DSCAM: variants seen among roughly 807,000 people sequenced by gnomAD.
DSCAM encodes cell adhesion molecule DSCAM.
In DSCAM, 47 loss-of-function variants were observed where a neutral mutation model predicts 217.7. The observed-to-expected ratio is 0.22, with a 90% CI of 0.17 to 0.28. The LOEUF is 0.28. Ranked by LOEUF, DSCAM falls within the 10% of genes least tolerant of loss-of-function variation. DSCAM has a pLI of 1.00. For synonymous variants in DSCAM, 1,056 were observed against 1,015.3 expected (o/e 1.04, Z -0.76); for missense variants, 2,080 against 2,618.3 (o/e 0.79, Z 4.49).
intron 3 of DSCAM, among the ~76,000 whole-genome samples, chr21:40,454,783 C>T (rs572349915): frequency 1.3e-5 from 2 of 152,264 alleles, no homozygotes; most frequent in South Asian, 4.1e-4. Flanking sequence ...ATGGCTTAAT[C>T]ACAGACTTTG....
chr21:40,697,965 G>C (rs2090613152), intron 2 of DSCAM, among the ~76,000 whole-genome samples: 1 of 152,130 alleles, frequency 6.6e-6, no homozygotes, highest in Non-Finnish European at 1.5e-5. Context: ...CAACGAGCAT[G>C]AAATAACTTT....
At chr21:40,141,855 G>A (rs902614155) in intron 18 of DSCAM, among the ~76,000 whole-genome samples, 5 of 152,180 alleles carry the variant, frequency 3.3e-5, no homozygotes, top group African/African-American at 9.7e-5. Context: ...GCCTGAGGGC[G>A]AAGACACTGA....
intron 3 of DSCAM, among the ~76,000 whole-genome samples, chr21:40,377,603 C>A (rs546685182): frequency 8.2e-4 from 124 of 151,872 alleles, no homozygotes; most frequent in South Asian, 1.7e-3. Flanking sequence ...CAGTTAAAAT[C>A]AAAAAAGTCA....
At chr21:40,158,802 G>A (rs1347031046) in intron 16 of DSCAM, among the ~76,000 whole-genome samples, 1 of 152,144 alleles carries the variant, frequency 6.6e-6, no homozygotes, top group Non-Finnish European at 1.5e-5. Flanking sequence ...AAAGCACAAA[G>A]TACTTTTATT....
intron 3 of DSCAM, among the ~76,000 whole-genome samples, chr21:40,379,864 T>C (rs190706589): frequency 2.6e-5 from 4 of 152,318 alleles, no homozygotes; most frequent in East Asian, 3.9e-4. Context: ...TAACCTTCTT[T>C]GGAGCCTATT....
rs904562228 is a variant in DSCAM, at chr21:40,776,434, C to A, written c.44-67663G>T. 2.6e-5 allele frequency among the ~76,000 whole-genome samples: 4 copies of A among 152,178 alleles called. No individual in the cohort carries two copies. In the South Asian group the frequency reaches 6.2e-4, roughly 24 times the overall value. ...ATAGTCATAGAAATGAAAGAAAAAT[C>A]ACAACTTTGATAAGTACTACAAAGA... On this transcript the variant is annotated intron_variant, in intron 1 of 32. Coordinates refer to ENST00000400454, the MANE Select transcript of DSCAM (RefSeq NM_001389.5).
chr21:40,348,794 T>C (rs999235797), intron 5 of DSCAM, among the ~76,000 whole-genome samples: 2 of 152,090 alleles, frequency 1.3e-5, no homozygotes, highest in Non-Finnish European at 2.9e-5. Flanking sequence ...ATAATGTTGG[T>C]CAAACTGCCT....
At chr21:40,536,696 G>A (rs1568887304) in intron 3 of DSCAM, among the ~76,000 whole-genome samples, 1 of 152,212 alleles carries the variant, frequency 6.6e-6, no homozygotes, top group African/African-American at 2.4e-5. Flanking sequence ...GTGAGCCACT[G>A]CACCCGGTCC....
At position 40,392,858 on chromosome 21, in the gene DSCAM, T is replaced by C. The variant is rs552834114; in HGVS notation, c.509-23613A>G. Among the ~76,000 whole-genome samples the C allele has an allele frequency of 1.1e-4, 17 of 152,220 alleles. No homozygotes were observed. In the South Asian group the frequency reaches 3.3e-3, roughly 30 times the overall value. On this transcript the variant is annotated intron_variant, in intron 3 of 32. Coordinates refer to ENST00000400454, the MANE Select transcript of DSCAM (RefSeq NM_001389.5). ...ATGACACAGCTTGGCCAGAGCTCCT[T>C]AGGAAGCCACAAGGTCAACTGTTAA...
rs1351956844 is a variant in DSCAM at position 40,839,478 on chromosome 21, T to C, written c.43+7141A>G. 3.3e-5 allele frequency among the ~76,000 whole-genome samples: 5 copies of C among 152,210 alleles called. No individual in the cohort carries two copies. The South Asian group carries it at 1.0e-3, about 32-fold the overall frequency. On this transcript the variant is annotated intron_variant, in intron 1 of 32. Transcript: ENST00000400454. ...TGTCCTCCCTTCACCTCCAGTCTTT[T>C]GTTCAGACCTACTCAAGCTGTTTCC... is the stretch of plus-strand genomic sequence containing the variant.
At chr21:40,610,193 T>C (rs959511533) in intron 3 of DSCAM, among the ~76,000 whole-genome samples, 1 of 152,160 alleles carries the variant, frequency 6.6e-6, no homozygotes, top group African/African-American at 2.4e-5. Flanking sequence ...ATCCACTCTT[T>C]ACTGTAGAAA....
Position 40,692,940 on chromosome 21 carries a change from A to G in DSCAM, c.378T>C (p.Tyr126=). The G allele has an allele frequency of 6.2e-7, 1 of 1,608,592 alleles. No individual in the cohort carries two copies. The highest frequency in any genetic ancestry group is 8.5e-7 in the Non-Finnish European group (1 of 1,175,480). Reference sequence around the variant, plus strand: ...TTTTCTGGTCCTCCACACGGACTGTATAGGGCTCCCGTAAAACTGGAAGGC... The same window carrying G: ...TTTTCTGGTCCTCCACACGGACTGTGTAGGGCTCCCGTAAAACTGGAAGGC... ...VHIKAVLREP[Y]TVRVEDQKTM... is the part of the protein sequence containing the mutation. The change falls in exon 3 of 33, where the codon TAT becomes TAC. Residue 126 remains tyrosine (Y), a synonymous_variant. Transcript: ENST00000400454.
In DSCAM at chr21:40,573,068, A is replaced by G. The variant is rs778815273; in HGVS notation, c.508+119742T>C. ...ATATAAAGTATGATAGCTGAAAACA[A>G]TAATATTAAAATCGATCCCAGCACT... is the stretch of plus-strand genomic sequence containing the variant. On this transcript the variant is annotated intron_variant, in intron 3 of 32. Coordinates refer to ENST00000400454, the MANE Select transcript of DSCAM (RefSeq NM_001389.5). Among the ~76,000 whole-genome samples, 22 of 152,188 alleles carry G rather than the reference A, an allele frequency of 1.4e-4. 1 individual carries two copies. The highest frequency in any genetic ancestry group is 2.9e-4 in the Non-Finnish European group (20 of 68,032).
At chr21:40,557,123 C>G (rs1162025711) in intron 3 of DSCAM, among the ~76,000 whole-genome samples, 2 of 152,052 alleles carry the variant, frequency 1.3e-5, no homozygotes, top group African/African-American at 4.8e-5. Flanking sequence ...TCAATATTTA[C>G]TGCTATGGTG....
At chr21:40,419,401 G>C (rs935354123) in intron 3 of DSCAM, among the ~76,000 whole-genome samples, 1 of 152,098 alleles carries the variant, frequency 6.6e-6, no homozygotes, top group Non-Finnish European at 1.5e-5. Flanking sequence ...ATATATCAAA[G>C]AATTTTGAAA....
chr21:40,393,406 G>C (rs73359111), intron 3 of DSCAM, among the ~76,000 whole-genome samples: 334 of 152,230 alleles, frequency 2.2e-3, no homozygotes, highest in African/African-American at 7.6e-3. Flanking sequence ...CTTGTGCTTT[G>C]GAGGAGAAAA....
In DSCAM at chr21:40,775,963, C is replaced by A. The variant is rs2091484751; in HGVS notation, c.44-67192G>T. The stretch of plus-strand genomic sequence containing the variant: ...TAGAAAGCTGGGTGCACACAATAAC[C>A]AACCATAGTGATGTGAATTTATACA... On this transcript the variant is annotated intron_variant, in intron 1 of 32. Coordinates refer to ENST00000400454, the MANE Select transcript of DSCAM (RefSeq NM_001389.5). Among the ~76,000 whole-genome samples, 3 of 152,128 alleles carry A rather than the reference C, an allele frequency of 2.0e-5. No homozygotes were observed. In the South Asian group the frequency reaches 6.2e-4, roughly 32 times the overall value.
rs528194237 is a variant in DSCAM, at chr21:40,358,623, A to G, written c.656-4880T>C. 1.3e-3 allele frequency among the ~76,000 whole-genome samples: 202 copies of G among 152,204 alleles called. 3 individuals are homozygous for G. The highest frequency in any genetic ancestry group is 4.4e-3 in the African/African-American group (182 of 41,538). On this transcript the variant is annotated intron_variant, in intron 4 of 32. Coordinates refer to ENST00000400454, the MANE Select transcript of DSCAM (RefSeq NM_001389.5). The stretch of plus-strand genomic sequence containing the variant: ...AGAGTTCAAGACGAGCCTGGCCAAC[A>G]TGGTGGAACCCCGTCTCTACTAAAA...
Position 40,012,996 on chromosome 21 carries a change from G to T in DSCAM, c.*38C>A. ...AAAGGTAGCTTTGATTGAATTGTTT[G>T]AATTGTATTTACAACCGCTGTCCAG... On this transcript the variant is annotated 3_prime_UTR_variant, in exon 33 of 33. Transcript: ENST00000400454. The T allele has an allele frequency of 7.6e-7, 1 of 1,317,780 alleles. No homozygotes were observed. The highest frequency in any genetic ancestry group is 9.9e-7 in the Non-Finnish European group (1 of 1,013,610). The allele number at this position is 1,317,780 out of a possible 1,614,324, so 81.6% of individuals were successfully genotyped here.
Sources: allele counts gnomAD v4.1 joint callset (sites outside exome capture counted in the v4.1 genomes callset), GRCh38; gene constraint gnomAD v4.1.1; transcripts MANE v1.5; gene names NCBI Gene and HGNC (gene_info 2026-07-23, HGNC 2026-07-21).